GABRA4: variants seen among roughly 807,000 people sequenced by gnomAD.
The protein encoded by GABRA4 is gamma-aminobutyric acid receptor subunit alpha-4.
In GABRA4, 12 loss-of-function variants were observed where a neutral mutation model predicts 49.7. The ratio of observed to expected loss-of-function variants is 0.24; its 90% confidence interval spans 0.15 to 0.39. The LOEUF (loss-of-function observed/expected upper bound fraction) is 0.39. Among genes scored for constraint, GABRA4 ranks in the 10% least tolerant of loss-of-function variants. GABRA4 has a pLI of 1.00. For missense variants in GABRA4, 506 were observed against 686.0 expected (o/e 0.74, Z 2.93); for synonymous variants, 288 against 240.2 (o/e 1.20, Z -1.84).
At chr4:46,956,236 C>A (rs950693519) in intron 8 of GABRA4, among the ~76,000 whole-genome samples, 11 of 152,002 alleles carry the variant, frequency 7.2e-5, no homozygotes, top group African/African-American at 2.7e-4. Context: ...TCACTAAACT[C>A]CTGTCATAAA....
chr4:46,942,311 T>A (rs112845509), intron 8 of GABRA4, among the ~76,000 whole-genome samples: 44 of 152,280 alleles, frequency 2.9e-4, no homozygotes, highest in African/African-American at 1.1e-3. Flanking sequence ...TGGTTTCCAC[T>A]TCTTCGTCTG....
chr4:46,963,435 G>A (rs1358751400), intron 8 of GABRA4, among the ~76,000 whole-genome samples: 4 of 151,792 alleles, frequency 2.6e-5, no homozygotes, highest in African/African-American at 9.7e-5. Flanking sequence ...TTGTGATAGT[G>A]CATAAGTCTC....
chr4:46,943,789 A>G (rs1386604976), intron 8 of GABRA4, among the ~76,000 whole-genome samples: 2 of 152,074 alleles, frequency 1.3e-5, no homozygotes, highest in Non-Finnish European at 2.9e-5. Flanking sequence ...AATCTTTATA[A>G]ACATTATTTA....
rs951196296 is a variant in GABRA4, at chr4:46,923,263, A to C, written c.*4962T>G. ...GGGATAAAAAGCTCTGACTCTCTAAATCTCTTGCTTTAAAGAAGCACCATC... is the reference window on the plus strand; with the variant it reads ...GGGATAAAAAGCTCTGACTCTCTAACTCTCTTGCTTTAAAGAAGCACCATC... On this transcript the variant is annotated 3_prime_UTR_variant, in exon 9 of 9. Coordinates refer to ENST00000264318, the MANE Select transcript of GABRA4 (RefSeq NM_000809.4). 5 of 152,104 alleles carry C rather than the reference A, an allele frequency of 3.3e-5. No homozygotes were observed. Among genetic ancestry groups the C allele is most frequent in the Non-Finnish European group, 7.4e-5 (5 of 68,010 alleles). 9.4% of individuals were successfully genotyped at this position (152,104 alleles called of 1,614,324 possible).
chr4:46,951,970 A>G (rs1157831068), intron 8 of GABRA4, among the ~76,000 whole-genome samples: 3 of 151,976 alleles, frequency 2.0e-5, no homozygotes, highest in Non-Finnish European at 4.4e-5. Flanking sequence ...AGGAAGCCTA[A>G]AACTGTTTGC....
chr4:46,963,874 A>G (rs1370209252), intron 8 of GABRA4, among the ~76,000 whole-genome samples: 2 of 151,858 alleles, frequency 1.3e-5, no homozygotes, highest in Admixed American at 6.6e-5. Context: ...AACTAAAAAT[A>G]AAGCTACCAT....
intron 8 of GABRA4, among the ~76,000 whole-genome samples, chr4:46,933,949 C>T (rs569131086): frequency 6.6e-6 from 1 of 152,212 alleles, no homozygotes; most frequent in African/African-American, 2.4e-5. Context: ...AGGAGCAGAT[C>T]CAGGCAATTC....
chr4:46,964,290 G>C (rs569901460), intron 8 of GABRA4, among the ~76,000 whole-genome samples: 1 of 151,910 alleles, frequency 6.6e-6, no homozygotes, highest in Non-Finnish European at 1.5e-5. Context: ...TTGGTGGAGG[G>C]AAGATGGGGA....
intron 8 of GABRA4, among the ~76,000 whole-genome samples, chr4:46,939,337 C>T (rs1318952688): frequency 6.6e-6 from 1 of 151,968 alleles, no homozygotes; most frequent in African/African-American, 2.4e-5. Context: ...CCTGAATCAT[C>T]ATCAATATTT....
Position 46,978,581 on chromosome 4 carries a change from G to T in GABRA4, c.273+450C>A, listed in dbSNP as rs185928086. Among the ~76,000 whole-genome samples, 18 of 150,108 alleles carry T rather than the reference G, an allele frequency of 1.2e-4. No homozygotes were observed. The East Asian group carries it at 3.6e-3, about 30-fold the overall frequency. ...GCATGCCTGCATTCCCAGCTACTTG[G>T]GAGGTTGAGGCAAGAGAATCACTTG... On this transcript the variant is annotated intron_variant, in intron 3 of 8. Transcript: ENST00000264318.
rs1721175145 is a variant in GABRA4 at position 46,925,210 on chromosome 4, G to A, written c.*3015C>T. 1.3e-5 allele frequency: 2 copies of A among 151,782 alleles called. No individual in the cohort carries two copies. The highest frequency in any genetic ancestry group is 2.1e-4 in the South Asian group (1 of 4,832). 9.4% of individuals were successfully genotyped at this position (151,782 alleles called of 1,614,324 possible). A position where few individuals can be genotyped will look rare whatever the true frequency, so the allele number is the denominator to read the frequency against. ...TATCTTTGTCATGTAACTTCTCTGTGACTCATTTCATCAAAAAAAGTGTGA... is the reference window on the plus strand; with the variant it reads ...TATCTTTGTCATGTAACTTCTCTGTAACTCATTTCATCAAAAAAAGTGTGA... On this transcript the variant is annotated 3_prime_UTR_variant, in exon 9 of 9. Transcript: ENST00000264318.
rs191504638 is a variant in GABRA4, at chr4:46,942,867, T to C, written c.1135-14112A>G. On this transcript the variant is annotated intron_variant, in intron 8 of 8. Coordinates refer to ENST00000264318, the MANE Select transcript of GABRA4 (RefSeq NM_000809.4). ...TCTTCAGGTGAATGGGCCTGTTCAG[T>C]TGCTTTGAATACAATATTTATATCA... Among the ~76,000 whole-genome samples, 267 of 152,212 alleles carry C rather than the reference T, an allele frequency of 1.8e-3. 3 individuals carry two copies. The highest frequency in any genetic ancestry group is 6.1e-3 in the African/African-American group (255 of 41,556).
At chr4:46,978,416 G>A (rs907373778) in intron 3 of GABRA4, among the ~76,000 whole-genome samples, 3 of 151,828 alleles carry the variant, frequency 2.0e-5, no homozygotes, top group East Asian at 3.9e-4. Flanking sequence ...AGCCGGGCAC[G>A]GTGGCTCATG....
intron 6 of GABRA4, 59 bp from the exon 7 acceptor site, chr4:46,971,294 T>A: frequency 1.4e-6 from 2 of 1,458,280 alleles, no homozygotes; most frequent in Non-Finnish European, 1.9e-6. Flanking sequence ...AGTCAATGGC[T>A]TCATAAACAT....
chr4:46,977,337 G>A (rs1723178686), intron 4 of GABRA4, 73 bp downstream of exon 4: 4 of 872,080 alleles, frequency 4.6e-6, no homozygotes, highest in Admixed American at 2.8e-5. Flanking sequence ...AGGAAGGAAG[G>A]AAGGAAGGAA....
intron 5 of GABRA4, among the ~76,000 whole-genome samples, chr4:46,975,527 G>C (rs767959409): frequency 3.3e-5 from 5 of 151,824 alleles, no homozygotes; most frequent in Non-Finnish European, 7.4e-5. Context: ...GTTTTAAATA[G>C]TGTTTTGTGT....
At chr4:46,939,173 C>T (rs562073304) in intron 8 of GABRA4, among the ~76,000 whole-genome samples, 4 of 151,882 alleles carry the variant, frequency 2.6e-5, no homozygotes, top group Admixed American at 6.6e-5. Context: ...TAAGGCAGAC[C>T]GATACTCTTC....
intron 2 of GABRA4, among the ~76,000 whole-genome samples, chr4:46,986,606 C>A (rs1723549677): frequency 6.6e-6 from 1 of 152,076 alleles, no homozygotes; most frequent in Non-Finnish European, 1.5e-5. Context: ...TCTTCCCTAT[C>A]AAACTTAATC....
chr4:46,941,430 C>G (rs1363335713), intron 8 of GABRA4, among the ~76,000 whole-genome samples: 1 of 152,034 alleles, frequency 6.6e-6, no homozygotes, highest in Non-Finnish European at 1.5e-5. Context: ...ACAATAACTA[C>G]TACTTAGAGT....
Sources: gnomAD v4.1 joint callset for allele counts (sites outside exome capture counted in the v4.1 genomes callset) on GRCh38, gnomAD v4.1.1 for gene constraint, MANE v1.5 for transcripts, NCBI Gene and HGNC (gene_info 2026-07-23, HGNC 2026-07-21) for gene names.